MAST4: variants seen among roughly 807,000 people sequenced by gnomAD.
The protein encoded by MAST4 is microtubule-associated serine/threonine-protein kinase 4.
In MAST4, 89 loss-of-function variants were observed where a neutral mutation model predicts 162.7. The ratio of observed to expected loss-of-function variants is 0.55; its 90% CI spans 0.46 to 0.65. MAST4 has a LOEUF of 0.65. Ranked by LOEUF, MAST4 falls within the 30% of genes least tolerant of loss-of-function variation. The pLI, the probability that MAST4 is intolerant of heterozygous loss-of-function variation, is 0.00. For missense variants in MAST4, 3,153 were observed against 3,374.0 expected (o/e 0.93, Z 1.62); for synonymous variants, 1,479 against 1,361.1 (o/e 1.09, Z -1.91).
chr5:66,704,215 T>C (rs944050324), intron 1 of MAST4, among the ~76,000 whole-genome samples: 25 of 152,158 alleles, frequency 1.6e-4, no homozygotes, highest in African/African-American at 6.0e-4. Flanking sequence ...CACCGTTGGG[T>C]TGACTCATTT....
intron 3 of MAST4, among the ~76,000 whole-genome samples, chr5:66,836,212 T>C (rs1239876571): frequency 2.0e-5 from 3 of 151,848 alleles, no homozygotes; most frequent in African/African-American, 7.3e-5. Flanking sequence ...TTTAATGATA[T>C]GGGGAAAAGC....
chr5:66,747,098 G>GT (rs1752808514), intron 1 of MAST4, among the ~76,000 whole-genome samples: 1 of 5,850 alleles, frequency 1.7e-4, no homozygotes. Flanking sequence ...CATGCGCATG[G>GT]TGTGTGTGTG....
At chr5:66,635,946 GTTTTTTTTTT>G (rs530576186) in intron 1 of MAST4, among the ~76,000 whole-genome samples, 35 of 41,302 alleles carry the variant, frequency 8.5e-4, no homozygotes, top group East Asian at 2.7e-3. Context: ...GATAGAGACT[GTTTTTTTTTT>G]TTTTTTTTTT....
At position 66,857,097 on chromosome 5, in the gene MAST4, A is replaced by C. The variant is rs73098031; in HGVS notation, c.643-42854A>C. 3.3e-3 allele frequency among the ~76,000 whole-genome samples: 505 copies of C among 152,332 alleles called. 3 individuals are homozygous for C. The highest frequency in any genetic ancestry group is 0.012 in the African/African-American group (487 of 41,574). ...TTCCCTTCTCTGCCCTCCCTCCCAG[A>C]AGCAAACACTGTCATAGATTTGATA... On this transcript the variant is annotated intron_variant, in intron 3 of 28. Coordinates refer to ENST00000403625, the MANE Select transcript of MAST4 (RefSeq NM_001164664.2).
At chr5:66,725,222 G>A (rs955559166) in intron 1 of MAST4, among the ~76,000 whole-genome samples, 1 of 151,572 alleles carries the variant, frequency 6.6e-6, no homozygotes, top group African/African-American at 2.4e-5. Context: ...ATGGCTTTAT[G>A]CTTTTTTTCT....
At chr5:66,930,213 C>G (rs1176405074) in intron 4 of MAST4, among the ~76,000 whole-genome samples, 4 of 152,174 alleles carry the variant, frequency 2.6e-5, no homozygotes, top group African/African-American at 9.7e-5. Context: ...CTTATTTCAT[C>G]AAATTTCGCT....
intron 6 of MAST4, among the ~76,000 whole-genome samples, chr5:67,092,907 G>C (rs1429055845): frequency 6.6e-6 from 1 of 152,122 alleles, no homozygotes; most frequent in Non-Finnish European, 1.5e-5. Context: ...TGAATCTGCT[G>C]AGTCTGATCA....
chr5:66,740,117 GACTCATCAGTTGTGC>G (rs369172939), intron 1 of MAST4, among the ~76,000 whole-genome samples: 317 of 151,748 alleles, frequency 2.1e-3, no homozygotes, highest in African/African-American at 7.4e-3. Context: ...GCTGCTGGAG[GACTCATCAGTTGTGC>G]CCTGCATAAA....
Position 66,987,895 on chromosome 5 carries a change from G to A in MAST4, c.675-66509G>A, listed in dbSNP as rs186958143. On this transcript the variant is annotated intron_variant, in intron 4 of 28. Coordinates refer to ENST00000403625, the MANE Select transcript of MAST4 (RefSeq NM_001164664.2). Reference sequence around the variant, plus strand: ...CTGACTATAGTTAGGACATGGAAGTGTGAAATAGTTACAACGTGGTTGCGT... The same window carrying A: ...CTGACTATAGTTAGGACATGGAAGTATGAAATAGTTACAACGTGGTTGCGT... Among the ~76,000 whole-genome samples, 48 of 152,308 alleles carry A rather than the reference G, an allele frequency of 3.2e-4. 1 individual carries two copies. In the East Asian group the frequency reaches 7.3e-3, roughly 23 times the overall value.
chr5:66,967,391 A>C (rs893790810), intron 4 of MAST4, among the ~76,000 whole-genome samples: 1 of 152,218 alleles, frequency 6.6e-6, no homozygotes, highest in Non-Finnish European at 1.5e-5. Context: ...AGACATCTGC[A>C]GCTTCCAGGA....
intron 1 of MAST4, among the ~76,000 whole-genome samples, chr5:66,694,488 CT>C (rs928389302): frequency 5.3e-5 from 8 of 151,560 alleles, no homozygotes; most frequent in African/African-American, 1.7e-4. Flanking sequence ...TTTTTTCTTT[CT>C]TTTTTTTCTT....
intron 4 of MAST4, among the ~76,000 whole-genome samples, chr5:66,933,892 G>C (rs1561458049): frequency 6.6e-6 from 1 of 152,058 alleles, no homozygotes; most frequent in Non-Finnish European, 1.5e-5. Context: ...AGGTCTTGCT[G>C]TGTTGCCCTG....
At chr5:66,622,435 T>TTC (rs1554036026) in intron 1 of MAST4, among the ~76,000 whole-genome samples, 3 of 151,460 alleles carry the variant, frequency 2.0e-5, no homozygotes, top group East Asian at 1.9e-4. Context: ...TTTTTTTTTT[T>TTC]CTAACTTGGA....
At chr5:67,136,735 T>C in intron 19 of MAST4, 71 bp downstream of exon 19, 1 of 1,258,804 alleles carries the variant, frequency 7.9e-7, no homozygotes, top group Non-Finnish European at 1.1e-6. Context: ...TCTGAAGCTT[T>C]TGTTGTTGTT....
chr5:67,016,833 A>G (rs1321707114), intron 4 of MAST4, among the ~76,000 whole-genome samples: 1 of 152,196 alleles, frequency 6.6e-6, no homozygotes, highest in Non-Finnish European at 1.5e-5. Flanking sequence ...TATGTTATCT[A>G]CACATTTCAA....
intron 5 of MAST4, among the ~76,000 whole-genome samples, chr5:67,078,911 AAT>A (rs750951069): frequency 5.4e-3 from 205 of 38,050 alleles, no homozygotes; most frequent in African/African-American, 0.024. Context: ...TTTTTATATA[AAT>A]ATATATATAT....
chr5:66,696,340 C>T (rs909925546), intron 1 of MAST4, among the ~76,000 whole-genome samples: 3 of 151,704 alleles, frequency 2.0e-5, no homozygotes, highest in African/African-American at 7.3e-5. Context: ...ATGTCTTCCA[C>T]GTGTATCCCA....
chr5:67,130,290 G>A lies in MAST4; in HGVS notation c.1826G>A (p.Arg609Gln), dbSNP rs773097084. 3.1e-6 allele frequency: 5 copies of A among 1,613,824 alleles called. No homozygotes were observed. Among genetic ancestry groups the A allele is most frequent in the Admixed American group, 1.7e-5 (1 of 59,968 alleles). Residue 609 changes from arginine (R) to glutamine (Q), a missense_variant, in exon 15 of 29, where the codon CGA (arginine) becomes CAA (glutamine). Transcript: ENST00000403625. ...ATTAATAAACAGAACCTCATCCTTC[G>A]AAACCAGATCCAGCAGGCCTTTGTG... ...KKINKQNLIL[R>Q]NQIQQAFVER...
chr5:66,627,506 A>C (rs1431070929), intron 1 of MAST4, among the ~76,000 whole-genome samples: 1 of 152,242 alleles, frequency 6.6e-6, no homozygotes, highest in Non-Finnish European at 1.5e-5. Flanking sequence ...GTAAGACTTC[A>C]CCAGGGTAGC....
Sources: allele counts gnomAD v4.1 joint callset (sites outside exome capture counted in the v4.1 genomes callset), GRCh38; gene constraint gnomAD v4.1.1; transcripts MANE v1.5; gene names NCBI Gene and HGNC (gene_info 2026-07-23, HGNC 2026-07-21).